The following ARHGAP32 variants were observed in gnomAD, a reference collection of about 807,000 sequenced individuals.
The protein encoded by ARHGAP32 is Rho GTPase activating protein 32, also known as rho GTPase-activating protein 32.
ARHGAP32 carries 51 observed loss-of-function variants against 186.5 expected under a neutral mutation model. The observed-to-expected ratio is 0.27, with a 90% CI of 0.22 to 0.35. The LOEUF is 0.35. Ranked by LOEUF, ARHGAP32 falls within the 10% of genes least tolerant of loss-of-function variation. The pLI is 1.00. For synonymous variants in ARHGAP32, 950 were observed against 964.3 expected, an observed-to-expected ratio of 0.99 and a Z score of 0.27; for missense variants, 2,186 against 2,623.5, an observed-to-expected ratio of 0.83 and a Z score of 3.64.
chr11:129,089,377 A>C (rs1049115955), intron 6 of ARHGAP32, among the ~76,000 whole-genome samples: 1 of 152,236 alleles, frequency 6.6e-6, no homozygotes, highest in South Asian at 2.1e-4. Context: ...GGAGGGATCT[A>C]CTTCACATAG....
chr11:129,201,976 C>G (rs1362579131), intron 1 of ARHGAP32, among the ~76,000 whole-genome samples: 1 of 151,976 alleles, frequency 6.6e-6, no homozygotes, highest in Non-Finnish European at 1.5e-5. Context: ...GAGCAAGAGC[C>G]TGTCTCTGTC....
intron 1 of ARHGAP32, among the ~76,000 whole-genome samples, chr11:129,253,861 T>C (rs1204474467): frequency 6.6e-6 from 1 of 152,128 alleles, no homozygotes; most frequent in South Asian, 2.1e-4. Flanking sequence ...GGTCACCATA[T>C]GTACCTGATC....
intron 12 of ARHGAP32, among the ~76,000 whole-genome samples, chr11:128,997,738 A>T (rs1946240187): frequency 6.6e-6 from 1 of 152,214 alleles, no homozygotes; most frequent in African/African-American, 2.4e-5. Flanking sequence ...TCTCTACAAA[A>T]GTAAAATGAA....
chr11:129,221,479 C>CTGTGTG (rs537808170), intron 1 of ARHGAP32, among the ~76,000 whole-genome samples: 1,938 of 121,190 alleles, frequency 0.016, 24 homozygotes, highest in East Asian at 0.022. Context: ...ATTGTCATTA[C>CTGTGTG]TGTGTGTGTG....
intron 1 of ARHGAP32, among the ~76,000 whole-genome samples, chr11:129,172,019 T>C (rs1824563983): frequency 6.6e-6 from 1 of 152,188 alleles, no homozygotes; most frequent in Non-Finnish European, 1.5e-5. Flanking sequence ...CACATTGATT[T>C]TGTATCCTGA....
chr11:129,228,942 C>A (rs908679244), intron 1 of ARHGAP32, among the ~76,000 whole-genome samples: 15 of 152,174 alleles, frequency 9.9e-5, no homozygotes, highest in African/African-American at 3.6e-4. Context: ...TAAATAGTCA[C>A]AACCACCTAT....
chr11:129,029,360 C>A (rs1444732029), intron 11 of ARHGAP32, among the ~76,000 whole-genome samples: 1 of 152,154 alleles, frequency 6.6e-6, no homozygotes, highest in African/African-American at 2.4e-5. Context: ...GCTAGTTAAC[C>A]CATGTCAGGT....
chr11:129,247,238 A>G (rs1272234552), intron 1 of ARHGAP32, among the ~76,000 whole-genome samples: 1 of 144,112 alleles, frequency 6.9e-6, no homozygotes, highest in African/African-American at 2.5e-5. Context: ...GTCTGTTTAC[A>G]TGCTAAAAGT....
At chr11:129,164,095 C>T (rs975156193) in intron 2 of ARHGAP32, among the ~76,000 whole-genome samples, 1 of 152,186 alleles carries the variant, frequency 6.6e-6, no homozygotes, top group Middle Eastern at 3.4e-3. Context: ...ATAATTAGCA[C>T]CTATCCTTTC....
upstream of ARHGAP32, among the ~76,000 whole-genome samples, chr11:129,193,691 ATATAATATATAATATATAT>A (rs1314807634): frequency 5.1e-3 from 150 of 29,574 alleles, 1 homozygote; most frequent in African/African-American, 0.02. Flanking sequence ...AATATATATT[ATATAATATATAATATATAT>A]TATATATTAT....
rs528275788 is a variant in ARHGAP32 at position 129,129,671 on chromosome 11, CA to C, written c.226-4778del. 1.4e-4 allele frequency among the ~76,000 whole-genome samples: 21 copies of C among 152,208 alleles called. No individual in the cohort carries two copies. The East Asian group carries it at 4.1e-3, about 29-fold the overall frequency. On this transcript the variant is annotated intron_variant, in intron 2 of 22. Transcript: ENST00000682385. Reference sequence around the variant, plus strand: ...AGAAAGAAGTAGACATGGGAGACTCCAAAAATATATATATATATTTTACCCT... The same window carrying C: ...AGAAAGAAGTAGACATGGGAGACTCCAAAATATATATATATATTTTACCCT...
chr11:129,045,693 T>C (rs1939778261), intron 10 of ARHGAP32, among the ~76,000 whole-genome samples: 1 of 152,208 alleles, frequency 6.6e-6, no homozygotes, highest in Non-Finnish European at 1.5e-5. Flanking sequence ...AGCTATGTCA[T>C]CTTGTTCTGT....
At chr11:129,193,618 TTATATAATA>T (rs1292794989), upstream of ARHGAP32, among the ~76,000 whole-genome samples, 853 of 57,164 alleles carry the variant, frequency 0.015, 15 homozygotes, top group Non-Finnish European at 0.021. Flanking sequence ...ATAATATATG[TTATATAATA>T]TATATAATAT....
At chr11:129,087,616 C>A (rs374678358) in intron 6 of ARHGAP32, among the ~76,000 whole-genome samples, 2 of 152,090 alleles carry the variant, frequency 1.3e-5, no homozygotes, top group Non-Finnish European at 2.9e-5. Flanking sequence ...CAGAGGGACA[C>A]GGAGGATTTT....
intron 1 of ARHGAP32, among the ~76,000 whole-genome samples, chr11:129,244,168 T>A (rs2135672803): frequency 6.6e-6 from 1 of 152,242 alleles, no homozygotes; most frequent in East Asian, 1.9e-4. Context: ...AACAACTCCA[T>A]GAGGATGGTA....
At chr11:129,279,510 C>T (rs1345700405), upstream of ARHGAP32, among the ~76,000 whole-genome samples, 1 of 145,586 alleles carries the variant, frequency 6.9e-6, no homozygotes, top group Non-Finnish European at 1.5e-5. Context: ...TTCGGGCCGC[C>T]CCCGCAGCGC....
chr11:128,981,630 G>T, intron 16 of ARHGAP32, 69 bp from the exon 17 acceptor site: 1 of 1,488,972 alleles, frequency 6.7e-7, no homozygotes. Flanking sequence ...TTTTTTAAAC[G>T]TGTAAATCTC....
intron 1 of ARHGAP32, among the ~76,000 whole-genome samples, chr11:129,235,227 T>C (rs534548348): frequency 1.3e-5 from 2 of 152,250 alleles, no homozygotes; most frequent in South Asian, 4.1e-4. Flanking sequence ...TCACCTGTTA[T>C]CTTACCTTCT....
chr11:129,163,000 G>A (rs1484056606), intron 2 of ARHGAP32, among the ~76,000 whole-genome samples: 1 of 152,098 alleles, frequency 6.6e-6, no homozygotes, highest in Non-Finnish European at 1.5e-5. Context: ...TTTCCATACT[G>A]CAAATTCCAT....
Sources: allele counts gnomAD v4.1 joint callset (sites outside exome capture counted in the v4.1 genomes callset), GRCh38; gene constraint gnomAD v4.1.1; transcripts MANE v1.5; gene names NCBI Gene and HGNC (gene_info 2026-07-23, HGNC 2026-07-21).